BCL2: variants seen among roughly 807,000 people sequenced by gnomAD.
BCL2 encodes BCL2 apoptosis regulator.
In BCL2, 1 loss-of-function variant was observed where a neutral mutation model predicts 14.2. The ratio of observed to expected loss-of-function variants is 0.07; its 90% CI spans 0.02 to 0.33. The LOEUF (loss-of-function observed/expected upper bound fraction) is 0.33. Ranked by LOEUF, BCL2 falls within the 10% of genes least tolerant of loss-of-function variation. The pLI, the probability that BCL2 is intolerant of heterozygous loss-of-function variation, is 0.99. For synonymous variants in BCL2, 151 were observed against 137.2 expected (o/e 1.10, Z -0.70); for missense variants, 247 against 305.9 (o/e 0.81, Z 1.44).
intron 2 of BCL2, among the ~76,000 whole-genome samples, chr18:63,283,268 T>G (rs962413517): frequency 1.3e-5 from 2 of 152,240 alleles, no homozygotes; most frequent in South Asian, 2.1e-4. Context: ...AACGCCCATC[T>G]CTCAGAATTA....
At chr18:63,200,213 T>TA (rs1909651106) in intron 2 of BCL2, among the ~76,000 whole-genome samples, 1 of 152,210 alleles carries the variant, frequency 6.6e-6, no homozygotes, top group African/African-American at 2.4e-5. Flanking sequence ...GAGTTAGACT[T>TA]ACACAGCCTC....
At chr18:63,186,483 C>T (rs1012032856) in intron 2 of BCL2, among the ~76,000 whole-genome samples, 1 of 152,170 alleles carries the variant, frequency 6.6e-6, no homozygotes, top group East Asian at 1.9e-4. Context: ...ATGATATGAC[C>T]ATTCTTGTTC....
In BCL2 at chr18:63,319,236, T is replaced by G; in HGVS notation, c.-349A>C. On this transcript the variant is annotated 5_prime_UTR_variant, in exon 1 of 3. Coordinates refer to ENST00000333681, the MANE Select transcript of BCL2 (RefSeq NM_000633.3). ...TTCCTTTTTGTAAAACCAAAACAAA[T>G]GCATAAGGCAACGATCCCATCAATC... 1 of 249,958 alleles carries G rather than the reference T, an allele frequency of 4.0e-6. No homozygotes were observed. Among genetic ancestry groups the G allele is most frequent in the Non-Finnish European group, 7.4e-6 (1 of 134,318 alleles). 15.5% of individuals were successfully genotyped at this position (249,958 alleles called of 1,614,324 possible).
chr18:63,168,156 G>C (rs1915091380), intron 2 of BCL2, among the ~76,000 whole-genome samples: 1 of 152,228 alleles, frequency 6.6e-6, no homozygotes, highest in Non-Finnish European at 1.5e-5. Context: ...AATGTGTCAA[G>C]AGTGCCCATG....
chr18:63,318,430 G>A lies in BCL2; in HGVS notation c.237C>T (p.Gly79=), dbSNP rs902056916. ...GGCTGAGCGCAGGCCCCGCGGCGGC[G>A]CCGGGGGCAGCCGGGGTCTGCAGCG... The part of the protein sequence containing the change: ...TSPLQTPAAP[G]AAAGPALSPV... Residue 79 remains glycine (G), a synonymous_variant, in exon 2 of 3, where the codon GGC becomes GGT. Coordinates refer to ENST00000333681, the MANE Select transcript of BCL2 (RefSeq NM_000633.3). The surrounding 1 kb of genome is among the most constrained non-coding windows in gnomAD (Gnocchi z 7.4). 4 of 1,473,236 alleles carry A rather than the reference G, an allele frequency of 2.7e-6. No homozygotes were observed. In the South Asian group the frequency reaches 5.7e-5, roughly 21 times the overall value. 91.3% of individuals were successfully genotyped at this position (1,473,236 alleles called of 1,614,324 possible).
chr18:63,249,222 T>C (rs1001863392), intron 2 of BCL2, among the ~76,000 whole-genome samples: 1 of 152,146 alleles, frequency 6.6e-6, no homozygotes, highest in African/African-American at 2.4e-5. Context: ...TCAAAATAGT[T>C]TCCAATTCAT....
At position 63,149,272 on chromosome 18, in the gene BCL2, A is replaced by T. The variant is rs1914586407; in HGVS notation, c.586-20513T>A. Among the ~76,000 whole-genome samples the T allele has an allele frequency of 6.6e-6, 1 of 152,188 alleles. No individual in the cohort carries two copies. The highest frequency in any genetic ancestry group is 2.4e-5 in the African/African-American group (1 of 41,446). On this transcript the variant is annotated intron_variant, in intron 2 of 2. Transcript: ENST00000333681. The surrounding 1 kb of genome is among the most constrained non-coding windows in gnomAD (Gnocchi z 4.2). ...CATCAGGCATTCGGTTCCCATAAGG[A>T]GCACACAACCTAGATCCCTTGTGGG...
intron 2 of BCL2, among the ~76,000 whole-genome samples, chr18:63,198,726 C>CAGTG: frequency 7.6e-6 from 1 of 132,398 alleles, no homozygotes; most frequent in Admixed American, 7.8e-5. Context: ...CACACACAGA[C>CAGTG]ACACACAGAC....
chr18:63,281,689 A>C lies in BCL2; in HGVS notation c.585+36393T>G, dbSNP rs530870969. Among the ~76,000 whole-genome samples, 623 of 114,888 alleles carry C rather than the reference A, an allele frequency of 5.4e-3. 6 individuals are homozygous for C. The highest frequency in any genetic ancestry group is 9.3e-3 in the Non-Finnish European group (442 of 47,556). The allele number at this position is 114,888 out of a possible 152,430, so 75.4% of individuals were successfully genotyped here. On this transcript the variant is annotated intron_variant, in intron 2 of 2. Transcript: ENST00000333681. ...CTCAGAAAGAAAGAAAGAAAGAAAGAAAGAAAGAAAGAAAGAAAGAAAGAA... is the reference window on the plus strand; with the variant it reads ...CTCAGAAAGAAAGAAAGAAAGAAAGCAAGAAAGAAAGAAAGAAAGAAAGAA...
intron 2 of BCL2, among the ~76,000 whole-genome samples, chr18:63,305,472 G>A (rs922992698): frequency 6.6e-6 from 1 of 152,124 alleles, no homozygotes; most frequent in African/African-American, 2.4e-5. Flanking sequence ...CAGTGTGTGT[G>A]GGGAGGAAAG....
At chr18:63,131,239 C>T (rs1914062362) in intron 2 of BCL2, among the ~76,000 whole-genome samples, 1 of 152,188 alleles carries the variant, frequency 6.6e-6, no homozygotes, top group African/African-American at 2.4e-5. Context: ...CCCAGACCAG[C>T]GACTGCTAAC....
At chr18:63,281,684 GAAAGAAAGAAAGAAAGAAA>G in intron 2 of BCL2, among the ~76,000 whole-genome samples, 1 of 77,364 alleles carries the variant, frequency 1.3e-5, no homozygotes, top group East Asian at 3.7e-4. Context: ...AAGAAAGAAA[GAAAGAAAGAAAGAAAGAAA>G]GAAAGAAAGA....
Position 63,127,054 on chromosome 18 carries a change from G to C in BCL2, c.*1571C>G, listed in dbSNP as rs181495000. 4.4e-6 allele frequency: 1 copy of C among 227,268 alleles called. No individual in the cohort carries two copies. The highest frequency in any genetic ancestry group is 8.7e-6 in the Non-Finnish European group (1 of 114,524). 14.1% of individuals were successfully genotyped at this position (227,268 alleles called of 1,614,324 possible). A position where few individuals can be genotyped will look rare whatever the true frequency, so the allele number is the denominator to read the frequency against. On this transcript the variant is annotated 3_prime_UTR_variant, in exon 3 of 3. Coordinates refer to ENST00000333681, the MANE Select transcript of BCL2 (RefSeq NM_000633.3). ...CATTGATTTTTTTTTTAATGCCCCA[G>C]GATGTACAGATAACCCCCATATTCC... is the stretch of plus-strand genomic sequence containing the variant.
At chr18:63,132,979 C>G (rs115518715) in intron 2 of BCL2, among the ~76,000 whole-genome samples, 1 of 152,210 alleles carries the variant, frequency 6.6e-6, no homozygotes, top group South Asian at 2.1e-4. Flanking sequence ...CAGGTTCACA[C>G]GGAAAGGCTG....
intron 2 of BCL2, among the ~76,000 whole-genome samples, chr18:63,214,835 C>A (rs138558695): frequency 2.0e-5 from 3 of 152,264 alleles, no homozygotes; most frequent in Admixed American, 6.5e-5. Context: ...CTCAGCCCCC[C>A]AAGTAGCTGG....
intron 2 of BCL2, among the ~76,000 whole-genome samples, chr18:63,209,946 A>T (rs1388829316): frequency 6.6e-6 from 1 of 152,178 alleles, no homozygotes; most frequent in African/African-American, 2.4e-5. Flanking sequence ...ATGGCTCCAG[A>T]CACCTGCTGA....
rs528104189 is a variant in BCL2, at chr18:63,271,554, G to GT, written c.585+46527dup. On this transcript the variant is annotated intron_variant, in intron 2 of 2. Coordinates refer to ENST00000333681, the MANE Select transcript of BCL2 (RefSeq NM_000633.3). ...GGATGAACTCGCCGATTCAACTTTA[G>GT]TTTTTAGGTACATCCAGTTTTGCTG... 1.8e-4 allele frequency among the ~76,000 whole-genome samples: 27 copies of GT among 152,298 alleles called. 1 individual carries two copies. In the East Asian group the frequency reaches 5.2e-3, roughly 29 times the overall value.
chr18:63,232,742 T>C (rs1032922252), intron 2 of BCL2, among the ~76,000 whole-genome samples: 2 of 152,246 alleles, frequency 1.3e-5, no homozygotes, highest in Non-Finnish European at 1.5e-5. Context: ...ATGATGTTTG[T>C]ACCCCAAGAC....
chr18:63,186,088 G>C lies in BCL2; in HGVS notation c.586-57329C>G, dbSNP rs76484078. On this transcript the variant is annotated intron_variant, in intron 2 of 2. Coordinates refer to ENST00000333681, the MANE Select transcript of BCL2 (RefSeq NM_000633.3). ...ATGTGCACAGACTATTTTGGTTTCAGTTAATATATAGCACCATATAAACAT... is the reference window on the plus strand; with the variant it reads ...ATGTGCACAGACTATTTTGGTTTCACTTAATATATAGCACCATATAAACAT... 8.6e-3 allele frequency among the ~76,000 whole-genome samples: 1,302 copies of C among 152,252 alleles called. 32 individuals are homozygous for C. The highest frequency in any genetic ancestry group is 0.03 in the African/African-American group (1,257 of 41,526).
Sources: allele counts gnomAD v4.1 joint callset (sites outside exome capture counted in the v4.1 genomes callset), GRCh38; gene constraint gnomAD v4.1.1; non-coding constraint Gnocchi (gnomAD v3.1); transcripts MANE v1.5; gene names NCBI Gene and HGNC (gene_info 2026-07-23, HGNC 2026-07-21).